The following DCAF1 variants were observed in gnomAD, a reference collection of about 807,000 sequenced individuals.
DCAF1 encodes DDB1- and CUL4-associated factor 1.
In DCAF1, 15 loss-of-function variants were observed where a neutral mutation model predicts 128.0. The observed-to-expected ratio is 0.12, with a 90% CI of 0.08 to 0.18. DCAF1 has a LOEUF of 0.18. Among genes scored for constraint, DCAF1 ranks in the 10% least tolerant of loss-of-function variants. The probability of loss-of-function intolerance (pLI) is 1.00; values close to 1 mark genes in which losing one functional copy is unlikely to be tolerated. For missense variants in DCAF1, 988 were observed against 1,649.5 expected (o/e 0.60, Z 6.95); for synonymous variants, 610 against 603.0 (o/e 1.01, Z -0.17).
At position 51,418,205 on chromosome 3, in the gene DCAF1, GA is replaced by G. The variant is rs782694386; in HGVS notation, c.3436-8del. The G allele has an allele frequency of 4.4e-6, 7 of 1,606,242 alleles. No individual in the cohort carries two copies. Among genetic ancestry groups the G allele is most frequent in the East Asian group, 2.2e-5 (1 of 44,658 alleles). ...TCAGCAGCAAGGACCCATCCTAAAA[GA>G]AAAAGGCGCAAGGTGGGTAACCACG... On this transcript the variant is annotated splice_polypyrimidine_tract_variant and splice_region_variant and intron_variant, in intron 16 of 24. Coordinates refer to ENST00000684031, the MANE Select transcript of DCAF1 (RefSeq NM_001387579.1).
intron 14 of DCAF1, among the ~76,000 whole-genome samples, chr3:51,421,318 G>A (rs1029423415): frequency 3.3e-5 from 5 of 152,082 alleles, no homozygotes; most frequent in South Asian, 2.1e-4. Flanking sequence ...GTGCAGTGGC[G>A]TGATCTTGGC....
intron 19 of DCAF1, 114 bp from the exon 20 acceptor site, chr3:51,414,157 G>C: frequency 7.4e-7 from 1 of 1,353,210 alleles, no homozygotes; most frequent in Non-Finnish European, 9.8e-7. Context: ...TACTTTAAAA[G>C]TCAATGAGAT....
intron 15 of DCAF1, among the ~76,000 whole-genome samples, chr3:51,419,280 G>A (rs1432722650): frequency 6.6e-6 from 1 of 151,660 alleles, no homozygotes; most frequent in East Asian, 1.9e-4. Context: ...AGAATCACTC[G>A]AACCTAGGAG....
At chr3:51,487,112 C>T (rs1707063772) in intron 2 of DCAF1, among the ~76,000 whole-genome samples, 1 of 151,934 alleles carries the variant, frequency 6.6e-6, no homozygotes. Context: ...GCTGGGATTA[C>T]AGGCGCACAC....
At chr3:51,495,495 T>C (rs1488632797) in intron 2 of DCAF1, among the ~76,000 whole-genome samples, 1 of 151,542 alleles carries the variant, frequency 6.6e-6, no homozygotes, top group Non-Finnish European at 1.5e-5. Context: ...TTTAAATACA[T>C]AAATAAAGGA....
intron 24 of DCAF1, 35 bp downstream of exon 24, chr3:51,403,108 G>A: frequency 6.4e-7 from 1 of 1,572,398 alleles, no homozygotes; most frequent in East Asian, 2.3e-5. Flanking sequence ...TGCCCTGGGT[G>A]CCAAGGCTCA....
intron 5 of DCAF1, 107 bp from the exon 6 acceptor site, chr3:51,463,334 A>C (rs1451668359): frequency 3.7e-6 from 2 of 543,636 alleles, no homozygotes; most frequent in Non-Finnish European, 6.1e-6. Flanking sequence ...AACGGGTATG[A>C]AAGAAGACTG....
chr3:51,489,820 T>C (rs1229801241), intron 2 of DCAF1, among the ~76,000 whole-genome samples: 1 of 58,692 alleles, frequency 1.7e-5, no homozygotes, highest in East Asian at 6.3e-4. Flanking sequence ...CATGTGTGTG[T>C]GTGTGTGTGT....
Position 51,419,018 on chromosome 3 carries a change from T to C in DCAF1, c.3237-142A>G. ...AATCACAGTGACCTTCAGTGCTTTT[T>C]ATTTTAAATAAGAAAAAGATTTCCA... is the stretch of plus-strand genomic sequence containing the variant. On this transcript the variant is annotated intron_variant, in intron 15 of 24. Coordinates refer to ENST00000684031, the MANE Select transcript of DCAF1 (RefSeq NM_001387579.1). The C allele has an allele frequency of 6.7e-6, 9 of 1,345,054 alleles. 1 individual carries two copies. In the Middle Eastern group the frequency reaches 1.9e-3, roughly 284 times the overall value. 83.3% of individuals were successfully genotyped at this position (1,345,054 alleles called of 1,614,324 possible).
intron 3 of DCAF1, among the ~76,000 whole-genome samples, chr3:51,476,706 T>C (rs1553650654): frequency 6.6e-6 from 1 of 150,774 alleles, no homozygotes; most frequent in East Asian, 2.0e-4. Flanking sequence ...TGAAACCCTG[T>C]CTCTACTAAA....
chr3:51,457,523 G>C (rs1289885198), intron 6 of DCAF1, among the ~76,000 whole-genome samples: 10 of 152,174 alleles, frequency 6.6e-5, no homozygotes, highest in Non-Finnish European at 1.5e-4. Flanking sequence ...CCCCAATCTA[G>C]CAAGGCAGGC....
intron 6 of DCAF1, among the ~76,000 whole-genome samples, chr3:51,458,122 T>C (rs563256658): frequency 7.4e-4 from 113 of 152,172 alleles, no homozygotes; most frequent in Middle Eastern, 3.4e-3. Context: ...GACTGGCAAA[T>C]TGGATAAAGA....
At chr3:51,402,677 C>G (rs1369213201) in intron 24 of DCAF1, among the ~76,000 whole-genome samples, 1 of 139,490 alleles carries the variant, frequency 7.2e-6, no homozygotes, top group Non-Finnish European at 1.5e-5. Flanking sequence ...CAGGTTCAAG[C>G]GATTCTCCTG....
chr3:51,426,117 T>C (rs1553634024), intron 13 of DCAF1, among the ~76,000 whole-genome samples: 1 of 152,222 alleles, frequency 6.6e-6, no homozygotes, highest in African/African-American at 2.4e-5. Flanking sequence ...CAGAAGCAGA[T>C]ATGAGATATT....
chr3:51,446,924 C>G (rs1280036273), intron 6 of DCAF1, among the ~76,000 whole-genome samples: 1 of 146,392 alleles, frequency 6.8e-6, no homozygotes, highest in Non-Finnish European at 1.5e-5. Context: ...CACGCCACTG[C>G]GCTCCAGCCT....
intron 6 of DCAF1, among the ~76,000 whole-genome samples, chr3:51,461,664 A>C (rs1260983748): frequency 6.6e-6 from 1 of 152,210 alleles, no homozygotes; most frequent in East Asian, 1.9e-4. Context: ...AACCAACCTA[A>C]ATGTCCAACA....
chr3:51,441,048 A>G lies in DCAF1; in HGVS notation c.1050T>C (p.Leu350=), dbSNP rs1701314803. The G allele has an allele frequency of 1.9e-6, 3 of 1,611,968 alleles. No homozygotes were observed. Among genetic ancestry groups the G allele is most frequent in the Non-Finnish European group, 2.5e-6 (3 of 1,179,050 alleles). The change falls in exon 9 of 25, where the codon CTT becomes CTC. Residue 350 remains leucine, a synonymous_variant. Transcript: ENST00000684031. ...YQELLPIFMQ[L]GSRELMMFYI... ...AGAACATCATCAGCTCCCGTGATCCAAGTTGCATGAATATGGGAAGTAGCT... is the reference window on the plus strand; with the variant it reads ...AGAACATCATCAGCTCCCGTGATCCGAGTTGCATGAATATGGGAAGTAGCT...
At chr3:51,456,100 G>T (rs1553642744) in intron 6 of DCAF1, among the ~76,000 whole-genome samples, 2 of 152,190 alleles carry the variant, frequency 1.3e-5, no homozygotes, top group African/African-American at 4.8e-5. Flanking sequence ...AGCAGAAGCA[G>T]GGCAAGGCAT....
At position 51,398,729 on chromosome 3, in the gene DCAF1, T is replaced by C. The variant is rs782289341; in HGVS notation, c.*40A>G. On this transcript the variant is annotated 3_prime_UTR_variant, in exon 25 of 25. Transcript: ENST00000684031. ...TGTTCTGAATTCATTTGACTCAGTT[T>C]CTCGCCTGCCAAGAATCTCTTCCAA... 12 of 1,565,150 alleles carry C rather than the reference T, an allele frequency of 7.7e-6. No homozygotes were observed. The highest frequency in any genetic ancestry group is 3.3e-4 in the Middle Eastern group (2 of 6,028).
Sources: gnomAD v4.1 joint callset for allele counts (sites outside exome capture counted in the v4.1 genomes callset) on GRCh38, gnomAD v4.1.1 for gene constraint, MANE v1.5 for transcripts, NCBI Gene and HGNC (gene_info 2026-07-23, HGNC 2026-07-21) for gene names.